The following RBFOX1 variants were observed in gnomAD, a reference collection of about 807,000 sequenced individuals.
RBFOX1 encodes RNA binding fox-1 homolog 1, also known as RNA binding protein fox-1 homolog 1.
In RBFOX1, 8 loss-of-function variants were observed where a neutral mutation model predicts 57.7. The ratio of observed to expected loss-of-function variants is 0.14; its 90% confidence interval spans 0.08 to 0.25. The LOEUF is 0.25. Among genes scored for constraint, RBFOX1 ranks in the 10% least tolerant of loss-of-function variants. The pLI, the probability that RBFOX1 is intolerant of heterozygous loss-of-function variation, is 1.00. For missense variants in RBFOX1, 611 were observed against 548.5 expected, an observed-to-expected ratio of 1.11 and a Z score of -1.14; for synonymous variants, 326 against 222.4, an observed-to-expected ratio of 1.47 and a Z score of -4.15.
At position 5,682,078 on chromosome 16, in the gene RBFOX1, A is replaced by T. The variant is rs185895958; in HGVS notation, c.318+83117A>T. ...CTCTGGGGCTGTGATACATTCACTT[A>T]TGTAGGACAGCATTACAGTTGGGTT... On this transcript the variant is annotated intron_variant, in intron 3 of 19. Transcript: ENST00000641259. Among the ~76,000 whole-genome samples the T allele has an allele frequency of 9.2e-5, 14 of 152,308 alleles. No individual in the cohort carries two copies. The East Asian group carries it at 1.4e-3, about 15-fold the overall frequency.
At chr16:6,048,292 C>T (rs1013777330) in intron 1 of RBFOX1, among the ~76,000 whole-genome samples, 5 of 152,150 alleles carry the variant, frequency 3.3e-5, no homozygotes, top group Non-Finnish European at 7.3e-5. Context: ...ACATGCCCTT[C>T]AAATAGTATT....
rs189458465 is a variant in RBFOX1, at chr16:5,914,854, C to T, written c.351+47519C>T. On this transcript the variant is annotated intron_variant, in intron 4 of 19. Transcript: ENST00000641259. ...AGCTTGCAGTGAGCCGAGACTGTGCCACTGCACTCCAGCCTAGGCGACAGA... is the reference window on the plus strand; with the variant it reads ...AGCTTGCAGTGAGCCGAGACTGTGCTACTGCACTCCAGCCTAGGCGACAGA... Among the ~76,000 whole-genome samples, 761 of 152,098 alleles carry T rather than the reference C, an allele frequency of 5.0e-3. 2 individuals are homozygous for T. Among genetic ancestry groups the T allele is most frequent in the Non-Finnish European group, 8.6e-3 (583 of 67,988 alleles).
chr16:6,027,275 A>G (rs1596485558), intron 1 of RBFOX1, among the ~76,000 whole-genome samples: 1 of 152,170 alleles, frequency 6.6e-6, no homozygotes, highest in South Asian at 2.1e-4. Context: ...CACTTGACAG[A>G]TGAAGGAACT....
At chr16:5,482,474 C>T (rs2069579244) in intron 2 of RBFOX1, among the ~76,000 whole-genome samples, 3 of 152,196 alleles carry the variant, frequency 2.0e-5, no homozygotes, top group Non-Finnish European at 4.4e-5. Flanking sequence ...GGAAGACAGC[C>T]AGGGCTGCCT....
intron 2 of RBFOX1, among the ~76,000 whole-genome samples, chr16:5,554,643 G>A (rs2045600735): frequency 6.6e-6 from 1 of 152,048 alleles, no homozygotes; most frequent in South Asian, 2.1e-4. Flanking sequence ...CCGTGATTCT[G>A]CACTTACACA....
At position 6,096,111 on chromosome 16, in the gene RBFOX1, A is replaced by T. The variant is rs141025507; in HGVS notation, c.-127+76119A>T. 3.9e-3 allele frequency among the ~76,000 whole-genome samples: 595 copies of T among 152,330 alleles called. 7 individuals are homozygous for T. Among genetic ancestry groups the T allele is most frequent in the Non-Finnish European group, 4.8e-3 (327 of 68,022 alleles). On this transcript the variant is annotated intron_variant, in intron 1 of 15. Coordinates refer to ENST00000550418, the MANE Select transcript of RBFOX1 (RefSeq NM_018723.4). ...CATGGAAACAGAACATGGCTTGTTC[A>T]TGGTAAACGACCTTGTCATTGATTT...
At chr16:7,371,748 C>G (rs1386179455) in intron 4 of RBFOX1, among the ~76,000 whole-genome samples, 1 of 151,964 alleles carries the variant, frequency 6.6e-6, no homozygotes, top group Non-Finnish European at 1.5e-5. Flanking sequence ...AAAACTCTAT[C>G]TGCAAAAAAG....
intron 4 of RBFOX1, among the ~76,000 whole-genome samples, chr16:5,951,021 C>A (rs9931118): frequency 0.52 from 79,769 of 151,988 alleles, 22,380 homozygotes; most frequent in African/African-American, 0.74. Context: ...ACTGTCTCTC[C>A]AGGTGTAGAC....
At chr16:5,896,672 G>A (rs75824082) in intron 4 of RBFOX1, among the ~76,000 whole-genome samples, 9,147 of 152,094 alleles carry the variant, frequency 0.06, 310 homozygotes, top group African/African-American at 0.082. Context: ...AAGACATATC[G>A]TCATGTCATT....
intron 2 of RBFOX1, among the ~76,000 whole-genome samples, chr16:6,450,831 ATATATG>A (rs1424743892): frequency 1.4e-4 from 5 of 34,504 alleles, no homozygotes; most frequent in Non-Finnish European, 2.5e-4. Flanking sequence ...ATATATATAT[ATATATG>A]TGTATATATA....
At chr16:5,674,773 T>C (rs979296395) in intron 3 of RBFOX1, among the ~76,000 whole-genome samples, 6 of 152,216 alleles carry the variant, frequency 3.9e-5, no homozygotes, top group African/African-American at 1.4e-4. Flanking sequence ...CCACTTTTCC[T>C]TCCCTATGGT....
chr16:7,062,657 T>C (rs1259897277), intron 4 of RBFOX1, among the ~76,000 whole-genome samples: 3 of 152,164 alleles, frequency 2.0e-5, no homozygotes, highest in Non-Finnish European at 4.4e-5. Flanking sequence ...ACAGTTGAAT[T>C]CTTTCTCCTG....
chr16:5,347,668 C>G (rs574212171), intron 1 of RBFOX1, among the ~76,000 whole-genome samples: 82 of 150,116 alleles, frequency 5.5e-4, no homozygotes, highest in African/African-American at 1.8e-3. Context: ...ATCCACCCAC[C>G]CTTTCACTCA....
intron 3 of RBFOX1, among the ~76,000 whole-genome samples, chr16:6,784,577 G>C (rs1474751592): frequency 6.6e-6 from 1 of 152,104 alleles, no homozygotes; most frequent in African/African-American, 2.4e-5. Flanking sequence ...TTGCCTGTCT[G>C]AGAGGTCACA....
chr16:6,564,395 G>A (rs576275188), intron 2 of RBFOX1, among the ~76,000 whole-genome samples: 1 of 152,164 alleles, frequency 6.6e-6, no homozygotes, highest in African/African-American at 2.4e-5. Context: ...AGGAGACAGA[G>A]CTTGCAGTGA....
chr16:5,331,045 C>G (rs1181215566), intron 1 of RBFOX1, among the ~76,000 whole-genome samples: 1 of 152,048 alleles, frequency 6.6e-6, no homozygotes, highest in Non-Finnish European at 1.5e-5. Context: ...GTATCAGGCA[C>G]CAAACTCTGA....
intron 2 of RBFOX1, among the ~76,000 whole-genome samples, chr16:6,332,368 T>C (rs2083145287): frequency 6.6e-6 from 1 of 152,168 alleles, no homozygotes; most frequent in South Asian, 2.1e-4. Context: ...AATAAGACTT[T>C]AGAATCTCCG....
At chr16:7,666,723 A>C (rs1399057932) in intron 13 of RBFOX1, among the ~76,000 whole-genome samples, 1 of 152,218 alleles carries the variant, frequency 6.6e-6, no homozygotes, top group Non-Finnish European at 1.5e-5. Context: ...TAGAGAAAAA[A>C]CAAAGTTAGA....
chr16:6,805,680 G>A (rs2086596040), intron 3 of RBFOX1, among the ~76,000 whole-genome samples: 1 of 149,968 alleles, frequency 6.7e-6, no homozygotes, highest in East Asian at 1.9e-4. Flanking sequence ...CTGAAAACAT[G>A]TGAAATTATC....
Sources: allele counts gnomAD v4.1 joint callset (sites outside exome capture counted in the v4.1 genomes callset), GRCh38; gene constraint gnomAD v4.1.1; transcripts MANE v1.5; gene names NCBI Gene and HGNC (gene_info 2026-07-23, HGNC 2026-07-21).